STARD10: variants seen among roughly 807,000 people sequenced by gnomAD.
STARD10 encodes StAR related lipid transfer domain containing 10.
Under a neutral mutation model 36.0 loss-of-function variants are expected in STARD10, and 24 were observed. The observed-to-expected ratio is 0.67, with a 90% CI of 0.48 to 0.94. STARD10 has a LOEUF of 0.94. Among genes scored for constraint, STARD10 ranks in the 40% least tolerant of loss-of-function variants. The pLI is 0.00. For missense variants in STARD10, 335 were observed against 396.6 expected (o/e 0.84, Z 1.32); for synonymous variants, 156 against 161.9 (o/e 0.96, Z 0.28).
chr11:72,784,310 G>A (rs1247654813), intron 1 of STARD10, among the ~76,000 whole-genome samples: 1 of 152,226 alleles, frequency 6.6e-6, no homozygotes, highest in East Asian at 1.9e-4. Context: ...AGGGCCTGTG[G>A]AGCTGGGTTC....
intron 1 of STARD10, among the ~76,000 whole-genome samples, chr11:72,789,887 C>A (rs1859119559): frequency 6.6e-6 from 1 of 152,176 alleles, no homozygotes; most frequent in Non-Finnish European, 1.5e-5. Flanking sequence ...CACAGGCTTC[C>A]CGGGGGAAGA....
At chr11:72,780,036 G>T (rs1323571901) in intron 2 of STARD10, 1 of 308,782 alleles carries the variant, frequency 3.2e-6, no homozygotes, top group African/African-American at 2.2e-5. Flanking sequence ...AGGCAAGGAA[G>T]AGGAAGGCGA....
At chr11:72,758,789 G>A (rs539992373) in intron 3 of STARD10, among the ~76,000 whole-genome samples, 156 bp from the exon 4 acceptor site, 12 of 152,354 alleles carry the variant, frequency 7.9e-5, no homozygotes, top group Admixed American at 7.8e-4. Flanking sequence ...CACAGCTGGA[G>A]CCAGAAAAGA....
chr11:72,759,273 C>T lies in STARD10; in HGVS notation c.316G>A (p.Ala106Thr), dbSNP rs200273651. ...ACGTCAGCGTTGACTGTCAAGCGGGCGATGTCAAAAGTCTCAATGACGTTG... is the reference window on the plus strand; with the variant it reads ...ACGTCAGCGTTGACTGTCAAGCGGGTGATGTCAAAAGTCTCAATGACGTTG... ...DSNVIETFDI[A>T]RLTVNADVGY... Residue 106 changes from alanine to threonine, a missense_variant, in exon 3 of 7, where the codon GCC becomes ACC. Physicochemically the swap from Ala to Thr is moderately conservative, Grantham distance 58. Transcript: ENST00000334805. 7.3e-4 allele frequency: 1,184 copies of T among 1,614,026 alleles called. 1 individual carries two copies. Among genetic ancestry groups the T allele is most frequent in the Non-Finnish European group, 8.2e-4 (964 of 1,180,020 alleles).
At position 72,755,409 on chromosome 11, in the gene STARD10, C is replaced by T. The variant is rs1779770678; in HGVS notation, c.631-267G>A. The T allele has an allele frequency of 6.9e-5, 38 of 548,750 alleles. No individual in the cohort carries two copies. In the South Asian group the frequency reaches 7.6e-4, roughly 11 times the overall value. The allele number at this position is 548,750 out of a possible 1,614,324, so 34.0% of individuals were successfully genotyped here. A position where few individuals can be genotyped will look rare whatever the true frequency, so the allele number is the denominator to read the frequency against. On this transcript the variant is annotated intron_variant, in intron 6 of 6. Coordinates refer to ENST00000334805, the MANE Select transcript of STARD10 (RefSeq NM_006645.3). ...CACTGCAACCTCTGCCTTCCAGGTTCAAGTGATTCTCCTGCCTTAGCCTCC... is the reference window on the plus strand; with the variant it reads ...CACTGCAACCTCTGCCTTCCAGGTTTAAGTGATTCTCCTGCCTTAGCCTCC...
intron 2 of STARD10, among the ~76,000 whole-genome samples, chr11:72,765,562 T>C (rs796097533): frequency 8.9e-4 from 136 of 152,314 alleles, no homozygotes; most frequent in African/African-American, 2.9e-3. Flanking sequence ...CAAGAGTTAA[T>C]GCTTAGGAGT....
intron 2 of STARD10, among the ~76,000 whole-genome samples, chr11:72,763,011 T>C (rs1023715742): frequency 6.6e-6 from 1 of 152,152 alleles, no homozygotes; most frequent in Non-Finnish European, 1.5e-5. Flanking sequence ...CAAAGAATGA[T>C]AGAGATTTTG....
At chr11:72,780,158 A>G in intron 2 of STARD10, 3 of 448,810 alleles carry the variant, frequency 6.7e-6, no homozygotes, top group Non-Finnish European at 9.0e-6. Context: ...CCCTTAAACC[A>G]GAGTCTTCAC....
At chr11:72,759,532 C>A (rs1252552527) in intron 2 of STARD10, 151 bp from the exon 3 acceptor site, 2 of 969,488 alleles carry the variant, frequency 2.1e-6, no homozygotes, top group Admixed American at 5.1e-5. Context: ...CTTCTTGCCA[C>A]AAGCCCTGTC....
chr11:72,772,298 T>A (rs1033795588), intron 2 of STARD10, among the ~76,000 whole-genome samples: 14 of 147,616 alleles, frequency 9.5e-5, no homozygotes, highest in Admixed American at 8.7e-4. Flanking sequence ...GCTGCCATAG[T>A]GGGCATGGCT....
At chr11:72,773,561 T>A (rs760013289) in intron 2 of STARD10, among the ~76,000 whole-genome samples, 1 of 152,146 alleles carries the variant, frequency 6.6e-6, no homozygotes, top group South Asian at 2.1e-4. Flanking sequence ...CAGGCGCACA[T>A]ACCTTCAACA....
chr11:72,772,473 G>A (rs903675718), intron 2 of STARD10, among the ~76,000 whole-genome samples: 3 of 152,104 alleles, frequency 2.0e-5, no homozygotes, highest in Admixed American at 6.5e-5. Flanking sequence ...AACTCTGCCC[G>A]TTGGATTCCA....
intron 2 of STARD10, among the ~76,000 whole-genome samples, chr11:72,761,206 G>A (rs1430406715): frequency 6.6e-6 from 1 of 152,106 alleles, no homozygotes; most frequent in Non-Finnish European, 1.5e-5. Flanking sequence ...ACCAGACAGA[G>A]CCAGACAGTG....
Position 72,781,546 on chromosome 11 carries a change from G to C in STARD10, c.-113-252C>G, listed in dbSNP as rs1402410349. On this transcript the variant is annotated intron_variant, in intron 1 of 6. Coordinates refer to ENST00000334805, the MANE Select transcript of STARD10 (RefSeq NM_006645.3). The surrounding 1 kb of genome is among the most constrained non-coding windows in gnomAD (Gnocchi z 4.7). ...CCCAGGGACTGGCCGGGACCCGAGG[G>C]GAGGGACGGTGCGGCGGGGCCCGCG... 2.6e-5 allele frequency: 5 copies of C among 193,918 alleles called. No individual in the cohort carries two copies. Among genetic ancestry groups the C allele is most frequent in the Non-Finnish European group, 5.2e-5 (5 of 95,518 alleles). The allele number at this position is 193,918 out of a possible 1,614,324, so 12.0% of individuals were successfully genotyped here.
chr11:72,768,231 G>A (rs1230716994), intron 2 of STARD10, among the ~76,000 whole-genome samples: 3 of 152,068 alleles, frequency 2.0e-5, no homozygotes, highest in African/African-American at 7.2e-5. Context: ...CAGCAGGTCC[G>A]AGCCCCAGCG....
At chr11:72,769,703 AAAAAT>A (rs935825571) in intron 2 of STARD10, among the ~76,000 whole-genome samples, 57 of 152,366 alleles carry the variant, frequency 3.7e-4, no homozygotes, top group Admixed American at 1.4e-3. Context: ...GTACTCAGAA[AAAAAT>A]ATAAAATAAG....
intron 1 of STARD10, chr11:72,783,453 C>T (rs1472428307): frequency 6.6e-6 from 1 of 152,236 alleles, no homozygotes; most frequent in African/African-American, 2.4e-5. Flanking sequence ...TCAGGATGCC[C>T]AGGCTCTGAT....
intron 2 of STARD10, among the ~76,000 whole-genome samples, chr11:72,767,695 C>G (rs1223374572): frequency 6.6e-6 from 1 of 152,196 alleles, no homozygotes; most frequent in Non-Finnish European, 1.5e-5. Context: ...GCTGGGGCTC[C>G]AAACCTGAAG....
chr11:72,790,093 AC>A (rs1859122434), intron 1 of STARD10, among the ~76,000 whole-genome samples: 1 of 152,068 alleles, frequency 6.6e-6, no homozygotes, highest in Non-Finnish European at 1.5e-5. Flanking sequence ...CTCGCCCCAG[AC>A]CGGCCCTGGG....
Sources: gnomAD v4.1 joint callset for allele counts (sites outside exome capture counted in the v4.1 genomes callset) on GRCh38, gnomAD v4.1.1 for gene constraint, Gnocchi (gnomAD v3.1) non-coding constraint, MANE v1.5 for transcripts, NCBI Gene and HGNC (gene_info 2026-07-23, HGNC 2026-07-21) for gene names.